FBN1: variants seen among roughly 807,000 people sequenced by gnomAD.
FBN1 encodes the protein fibrillin 1, also known as fibrillin-1.
In FBN1, 29 loss-of-function variants were observed where a neutral mutation model predicts 365.1. That is an observed-to-expected ratio of 0.08 (90% CI 0.06 to 0.11). The LOEUF is 0.11. Among genes scored for constraint, FBN1 ranks in the 10% least tolerant of loss-of-function variants. The pLI is 1.00. For missense variants in FBN1, 2,476 were observed against 3,703.2 expected (o/e 0.67, Z 8.60); for synonymous variants, 1,210 against 1,270.5 (o/e 0.95, Z 1.01).
chr15:48,474,878 G>A (rs1180879505), intron 32 of FBN1, among the ~76,000 whole-genome samples: 1 of 152,058 alleles, frequency 6.6e-6, no homozygotes, highest in Non-Finnish European at 1.5e-5. Context: ...ATTATTTTCC[G>A]TATTTTAATG....
intron 9 of FBN1, among the ~76,000 whole-genome samples, chr15:48,522,085 G>C (rs1321499805): frequency 7.2e-5 from 11 of 152,180 alleles, no homozygotes; most frequent in Admixed American, 2.6e-4. Context: ...CGCATGCGAG[G>C]GTTCTAGGTT....
intron 30 of FBN1, among the ~76,000 whole-genome samples, chr15:48,484,208 TTTCA>T (rs1184999526): frequency 6.6e-6 from 1 of 152,224 alleles, no homozygotes. Flanking sequence ...AAAATCTTTC[TTTCA>T]TTTAATTTAT....
rs1051866195 is a variant in FBN1, at chr15:48,569,527, T to C, written c.538+26756A>G. Among the ~76,000 whole-genome samples the C allele has an allele frequency of 1.2e-4, 18 of 152,218 alleles. No homozygotes were observed. The East Asian group carries it at 3.5e-3, about 29-fold the overall frequency. ...ACAAAGACTTGTATGTGAATGTTAATAGCAATATTATTCATAATAGCCCCA... is the reference window on the plus strand; with the variant it reads ...ACAAAGACTTGTATGTGAATGTTAACAGCAATATTATTCATAATAGCCCCA... On this transcript the variant is annotated intron_variant, in intron 6 of 65. Coordinates refer to ENST00000316623, the MANE Select transcript of FBN1 (RefSeq NM_000138.5).
At chr15:48,443,518 T>C (rs1004007839) in intron 49 of FBN1, among the ~76,000 whole-genome samples, 3 of 152,174 alleles carry the variant, frequency 2.0e-5, no homozygotes, top group African/African-American at 7.2e-5. Flanking sequence ...CTTAAAAAAT[T>C]TGCATCTAGA....
chr15:48,523,833 C>A (rs2043883247), intron 9 of FBN1, among the ~76,000 whole-genome samples: 1 of 152,008 alleles, frequency 6.6e-6, no homozygotes, highest in South Asian at 2.1e-4. Context: ...ACAGAAGGAA[C>A]CACAAACACC....
intron 54 of FBN1, 137 bp downstream of exon 54, chr15:48,434,457 T>C (rs531066380): frequency 9.5e-6 from 10 of 1,048,992 alleles, no homozygotes; most frequent in South Asian, 6.6e-5. Context: ...AAAAGAAGAA[T>C]GATCAAATGG....
chr15:48,479,930 T>C (rs2043453921), intron 32 of FBN1, among the ~76,000 whole-genome samples: 1 of 152,202 alleles, frequency 6.6e-6, no homozygotes, highest in African/African-American at 2.4e-5. Flanking sequence ...AAGCAATGGC[T>C]TTCACTAAAA....
intron 44 of FBN1, among the ~76,000 whole-genome samples, chr15:48,455,284 G>A (rs542873863): frequency 1.1e-4 from 17 of 152,338 alleles, no homozygotes; most frequent in Admixed American, 6.5e-5. Context: ...ACAGTTGCAT[G>A]TGTTTAATCT....
intron 32 of FBN1, chr15:48,476,610 CTTTTTTTTTT>C (rs56969171): frequency 3.3e-5 from 4 of 120,010 alleles, no homozygotes; most frequent in South Asian, 5.7e-4. Flanking sequence ...CTTTTCTTTT[CTTTTTTTTTT>C]TTTTTTTTTG....
Position 48,444,563 on chromosome 15 carries a change from A to G in FBN1, c.6015T>C (p.Ser2005=), listed in dbSNP as rs1270928447. The change falls in exon 49 of 66, where the codon AGT becomes AGC. Residue 2005 remains serine, a synonymous_variant. Coordinates refer to ENST00000316623, the MANE Select transcript of FBN1 (RefSeq NM_000138.5). The part of the protein sequence containing the change: ...SYRCICPPGY[S]LQNEKCEDID... ...TACCTTCACACTTCTCATTTTGAAG[A>G]CTGTATCCAGGTGGGCAAATGCATC... 5 of 1,613,576 alleles carry G rather than the reference A, an allele frequency of 3.1e-6. No individual in the cohort carries two copies. The highest frequency in any genetic ancestry group is 2.2e-5 in the East Asian group (1 of 44,864).
chr15:48,598,027 C>T (rs781493441), intron 5 of FBN1, among the ~76,000 whole-genome samples: 7 of 152,340 alleles, frequency 4.6e-5, no homozygotes, highest in Admixed American at 2.6e-4. Flanking sequence ...TCGCCATCTC[C>T]ACAGCCATAG....
chr15:48,604,908 G>A (rs1434442126), intron 4 of FBN1, among the ~76,000 whole-genome samples: 5 of 152,134 alleles, frequency 3.3e-5, no homozygotes, highest in Non-Finnish European at 7.4e-5. Flanking sequence ...GCTCAGATTT[G>A]CATTGGGAGT....
At chr15:48,433,353 A>G (rs972251910) in intron 54 of FBN1, among the ~76,000 whole-genome samples, 1 of 152,182 alleles carries the variant, frequency 6.6e-6, no homozygotes, top group African/African-American at 2.4e-5. Flanking sequence ...CACTCCCAAC[A>G]GTTACATGGC....
chr15:48,514,758 G>C (rs1433693771), intron 12 of FBN1, among the ~76,000 whole-genome samples: 1 of 152,084 alleles, frequency 6.6e-6, no homozygotes, highest in Non-Finnish European at 1.5e-5. Flanking sequence ...TAGGGCTTTT[G>C]GTAGGGTGTC....
intron 6 of FBN1, among the ~76,000 whole-genome samples, chr15:48,575,949 G>A (rs2044343602): frequency 1.3e-5 from 2 of 151,972 alleles, no homozygotes; most frequent in South Asian, 4.2e-4. Flanking sequence ...GAAACAGAAA[G>A]TCCACTTACT....
chr15:48,645,040 C>G (rs1385299200), intron 1 of FBN1, 90 bp from the exon 2 acceptor site: 3 of 288,694 alleles, frequency 1.0e-5, no homozygotes, highest in Non-Finnish European at 1.9e-5. Flanking sequence ...AAGCCCAACC[C>G]GTGCGCCGCC....
intron 2 of FBN1, among the ~76,000 whole-genome samples, chr15:48,638,991 T>C (rs1178531842): frequency 6.6e-6 from 1 of 152,256 alleles, no homozygotes; most frequent in Non-Finnish European, 1.5e-5. Flanking sequence ...CATCCTATGA[T>C]TCTTTCTGTT....
chr15:48,495,071 T>TA (rs2043593388), intron 22 of FBN1, 52 bp downstream of exon 22: 2 of 1,611,728 alleles, frequency 1.2e-6, no homozygotes, highest in African/African-American at 2.7e-5. Context: ...TTCCCCTTTT[T>TA]ATGCAAAGAC....
At chr15:48,454,542 T>C (rs2043225446) in intron 44 of FBN1, among the ~76,000 whole-genome samples, 1 of 152,228 alleles carries the variant, frequency 6.6e-6, no homozygotes, top group African/African-American at 2.4e-5. Context: ...TGCTATATCA[T>C]GGGGCAAAAT....
Sources: gnomAD v4.1 joint callset for allele counts (sites outside exome capture counted in the v4.1 genomes callset) on GRCh38, gnomAD v4.1.1 for gene constraint, MANE v1.5 for transcripts, NCBI Gene and HGNC (gene_info 2026-07-23, HGNC 2026-07-21) for gene names.